Variants in DNAH11 observed in about 807,000 individuals in gnomAD.
DNAH11 encodes dynein axonemal heavy chain 11.
In DNAH11, 442 loss-of-function variants were observed where a neutral mutation model predicts 526.0. The observed-to-expected ratio is 0.84, with a 90% CI of 0.78 to 0.91. DNAH11 has a LOEUF of 0.91. Among genes scored for constraint, DNAH11 ranks in the 40% least tolerant of loss-of-function variants. The probability of loss-of-function intolerance (pLI) is 0.00; values close to 1 mark genes in which losing one functional copy is unlikely to be tolerated. For synonymous variants in DNAH11, 2,461 were observed against 1,935.9 expected (o/e 1.27, Z -7.12); for missense variants, 6,989 against 5,448.7 (o/e 1.28, Z -8.90).
intron 8 of DNAH11, among the ~76,000 whole-genome samples, chr7:21,573,697 A>G (rs1783979083): frequency 6.6e-6 from 1 of 152,094 alleles, no homozygotes; most frequent in Non-Finnish European, 1.5e-5. Flanking sequence ...GTGTATGCAT[A>G]TATTTGCATG....
intron 30 of DNAH11, among the ~76,000 whole-genome samples, chr7:21,672,532 G>A (rs958279969): frequency 3.3e-5 from 5 of 152,134 alleles, no homozygotes; most frequent in East Asian, 1.9e-4. Context: ...GGCCATTCTC[G>A]CTCCTTGGCC....
chr7:21,650,722 C>T (rs4463326), intron 28 of DNAH11, among the ~76,000 whole-genome samples: 11,751 of 151,872 alleles, frequency 0.077, 525 homozygotes, highest in South Asian at 0.13. Flanking sequence ...TCACTGCAAC[C>T]TCTGCCTCCC....
At chr7:21,617,461 C>A (rs891486243) in intron 22 of DNAH11, among the ~76,000 whole-genome samples, 158 bp from the exon 23 acceptor site, 1 of 152,206 alleles carries the variant, frequency 6.6e-6, no homozygotes, top group African/African-American at 2.4e-5. Flanking sequence ...GAGTGGATCC[C>A]TTTTCGTTTC....
rs1785019451 is a variant in DNAH11 at position 21,600,102 on chromosome 7, G to A, written c.2983G>A (p.Glu995Lys). 6.5e-7 allele frequency: 1 copy of A among 1,533,064 alleles called. No homozygotes were observed. The highest frequency in any genetic ancestry group is 2.0e-5 in the Admixed American group (1 of 50,260). 95.0% of individuals were successfully genotyped at this position (1,533,064 alleles called of 1,614,324 possible). A position where few individuals can be genotyped will look rare whatever the true frequency, so the allele number is the denominator to read the frequency against. Residue 995 changes from glutamate (E) to lysine (K), a missense_variant, in exon 15 of 82, where the codon GAA becomes AAA. Glu to Lys is a moderately conservative substitution (Grantham distance 56, BLOSUM62 1). Transcript: ENST00000409508. ...AQMNRIATHL[E>K]IKNYQNDMDN... ...GATGAACCGAATAGCAACACACCTG[G>A]AAATTAAAAATTATCAGGTATTTTC...
At chr7:21,555,456 T>G (rs780793734) in intron 2 of DNAH11, among the ~76,000 whole-genome samples, 1 of 152,198 alleles carries the variant, frequency 6.6e-6, no homozygotes, top group African/African-American at 2.4e-5. Context: ...GTCCAAGCTT[T>G]TCCCTGTGTA....
At chr7:21,602,098 G>A (rs1038371856) in intron 18 of DNAH11, among the ~76,000 whole-genome samples, 1 of 152,064 alleles carries the variant, frequency 6.6e-6, no homozygotes, top group East Asian at 1.9e-4. Context: ...CCAGCACTGT[G>A]AGAGGCTGAG....
chr7:21,880,302 G>A (rs1290107410), intron 74 of DNAH11, among the ~76,000 whole-genome samples: 18 of 152,142 alleles, frequency 1.2e-4, no homozygotes, highest in Non-Finnish European at 2.6e-4. Context: ...ATGGATAGTT[G>A]TGGTTAACTA....
intron 20 of DNAH11, among the ~76,000 whole-genome samples, chr7:21,611,511 C>T (rs1005769872): frequency 6.6e-6 from 1 of 152,162 alleles, no homozygotes; most frequent in East Asian, 1.9e-4. Flanking sequence ...TTCTGTCTTT[C>T]TGGAGAACCG....
At chr7:21,667,258 C>G (rs1381089388) in intron 30 of DNAH11, among the ~76,000 whole-genome samples, 3 of 152,020 alleles carry the variant, frequency 2.0e-5, no homozygotes, top group African/African-American at 7.2e-5. Flanking sequence ...GCAAAGTGAG[C>G]CATTTATAGA....
intron 55 of DNAH11, among the ~76,000 whole-genome samples, chr7:21,767,512 C>T (rs1375151627): frequency 6.6e-6 from 1 of 152,152 alleles, no homozygotes; most frequent in Non-Finnish European, 1.5e-5. Context: ...GGGCTCCTGT[C>T]AGGTGCTAAG....
chr7:21,868,053 C>A, intron 72 of DNAH11, 46 bp downstream of exon 72: 22 of 1,412,202 alleles, frequency 1.6e-5, no homozygotes, highest in Middle Eastern at 2.2e-4. Context: ...TCCCTCCCTC[C>A]CTTTCACCCC....
At position 21,714,125 on chromosome 7, in the gene DNAH11, T is replaced by C. The variant is rs181796608; in HGVS notation, c.6983+2265T>C. On this transcript the variant is annotated intron_variant, in intron 42 of 81. Coordinates refer to ENST00000409508, the MANE Select transcript of DNAH11 (RefSeq NM_001277115.2). The stretch of plus-strand genomic sequence containing the variant: ...GTCTCAGTCCTATCCTGTGGAGATT[T>C]GTGCTAACAAAAGCTTGGTCCAAAT... 2.7e-3 allele frequency among the ~76,000 whole-genome samples: 412 copies of C among 152,348 alleles called. 1 individual carries two copies. Among genetic ancestry groups the C allele is most frequent in the Middle Eastern group, 6.8e-3 (2 of 294 alleles).
intron 54 of DNAH11, among the ~76,000 whole-genome samples, chr7:21,759,379 T>C (rs752528470): frequency 6.6e-6 from 1 of 152,202 alleles, no homozygotes; most frequent in Non-Finnish European, 1.5e-5. Context: ...GAAAATGTAC[T>C]GAGTGTGCAC....
At chr7:21,618,646 G>A (rs1324243258) in intron 23 of DNAH11, among the ~76,000 whole-genome samples, 1 of 152,132 alleles carries the variant, frequency 6.6e-6, no homozygotes, top group African/African-American at 2.4e-5. Flanking sequence ...AATGAACTGA[G>A]ATTAAATTAG....
chr7:21,779,919 C>T (rs369538294), intron 57 of DNAH11, among the ~76,000 whole-genome samples: 2 of 152,054 alleles, frequency 1.3e-5, no homozygotes, highest in East Asian at 3.9e-4. Flanking sequence ...TTCTCACAGC[C>T]ATTGAATCGG....
intron 20 of DNAH11, among the ~76,000 whole-genome samples, chr7:21,610,874 G>C (rs1785494165): frequency 6.6e-6 from 1 of 152,228 alleles, no homozygotes; most frequent in Admixed American, 6.5e-5. Context: ...AAAGAAGTTA[G>C]AATGCCGTCC....
chr7:21,833,736 ACAGGATGCACATAGAGGTGTATTTAAAAT>A (rs2128010351), intron 65 of DNAH11, among the ~76,000 whole-genome samples: 1 of 152,140 alleles, frequency 6.6e-6, no homozygotes, highest in South Asian at 2.1e-4. Flanking sequence ...ATAAAAAATC[ACAGGATGCACATAGAGGTGTATTTAAAAT>A]ATAAGTTTTA....
rs563041438 is a variant in DNAH11, at chr7:21,581,062, G to A, written c.1594-843G>A. Reference sequence around the variant, plus strand: ...AAATATTTAGAACAGAATTACTCACGTGCTAACTGTCATTAATTCTATTAC... The same window carrying A: ...AAATATTTAGAACAGAATTACTCACATGCTAACTGTCATTAATTCTATTAC... On this transcript the variant is annotated intron_variant, in intron 8 of 81. Coordinates refer to ENST00000409508, the MANE Select transcript of DNAH11 (RefSeq NM_001277115.2). Among the ~76,000 whole-genome samples the A allele has an allele frequency of 8.5e-5, 13 of 152,302 alleles. 1 individual carries two copies. The South Asian group carries it at 2.3e-3, about 27-fold the overall frequency.
intron 22 of DNAH11, 162 bp downstream of exon 22, chr7:21,616,454 C>G: frequency 1.9e-6 from 1 of 531,548 alleles, no homozygotes; most frequent in Non-Finnish European, 3.3e-6. Context: ...AGTTGCACTT[C>G]TAATCAAGCC....
Sources: allele counts gnomAD v4.1 joint callset (sites outside exome capture counted in the v4.1 genomes callset), GRCh38; gene constraint gnomAD v4.1.1; transcripts MANE v1.5; gene names NCBI Gene and HGNC (gene_info 2026-07-23, HGNC 2026-07-21).